SLC20A2: variants seen among roughly 807,000 people sequenced by gnomAD.
The protein encoded by SLC20A2 is solute carrier family 20 member 2.
A neutral mutation model predicts 61.0 loss-of-function variants in SLC20A2; 30 were observed. The ratio of observed to expected loss-of-function variants is 0.49; its 90% confidence interval spans 0.37 to 0.67. The LOEUF is 0.67. Among genes scored for constraint, SLC20A2 ranks in the 30% least tolerant of loss-of-function variants. The pLI, the probability that SLC20A2 is intolerant of heterozygous loss-of-function variation, is 0.00. For missense variants in SLC20A2, 626 were observed against 866.4 expected (o/e 0.72, Z 3.48); for synonymous variants, 351 against 353.3 (o/e 0.99, Z 0.07).
chr8:42,505,579 A>C (rs1442207800), upstream of SLC20A2, among the ~76,000 whole-genome samples: 1 of 152,222 alleles, frequency 6.6e-6, no homozygotes, highest in Non-Finnish European at 1.5e-5. Flanking sequence ...TTTTAAAATG[A>C]CATCTGGAAA....
At chr8:42,519,403 C>G (rs981804526) in intron 1 of SLC20A2, among the ~76,000 whole-genome samples, 4 of 151,166 alleles carry the variant, frequency 2.6e-5, no homozygotes, top group South Asian at 4.2e-4. Context: ...AAGATCGCAC[C>G]ACTGCACTCC....
At position 42,436,444 on chromosome 8, in the gene SLC20A2, C is replaced by A. The variant is rs556474847; in HGVS notation, c.1523+545G>T. 5.9e-5 allele frequency among the ~76,000 whole-genome samples: 9 copies of A among 152,320 alleles called. No individual in the cohort carries two copies. In the South Asian group the frequency reaches 1.2e-3, roughly 21 times the overall value. ...GCAGCTGCCTCTTTCCTTCTTCTCT[C>A]ACATCCGCATCCAGGCCGTCGTCCA... On this transcript the variant is annotated intron_variant, in intron 8 of 10. Coordinates refer to ENST00000520262, the MANE Select transcript of SLC20A2 (RefSeq NM_001257180.2).
intron 10 of SLC20A2, among the ~76,000 whole-genome samples, chr8:42,424,244 G>A (rs1803239367): frequency 6.7e-6 from 1 of 150,096 alleles, no homozygotes. Context: ...AATGATGAAC[G>A]AATTGCTGAA....
intron 10 of SLC20A2, among the ~76,000 whole-genome samples, chr8:42,422,635 C>T (rs946347415): frequency 6.6e-6 from 1 of 152,094 alleles, no homozygotes; most frequent in Admixed American, 6.6e-5. Context: ...CCACCCCTAG[C>T]CCCTTTTTGC....
rs1804373217 is a variant in SLC20A2 at position 42,437,491 on chromosome 8, C to T, written c.1021G>A (p.Gly341Ser). 2 of 1,614,104 alleles carry T rather than the reference C, an allele frequency of 1.2e-6. No homozygotes were observed. The highest frequency in any genetic ancestry group is 1.1e-5 in the South Asian group (1 of 91,072). Reference protein sequence around the residue: ...FGFDGHTRSDGHVYHTVHKDS... With the variant: ...FGFDGHTRSDSHVYHTVHKDS... The stretch of plus-strand genomic sequence containing the variant: ...TTGTGCACGGTGTGGTACACATGAC[C>T]GTCGCTCCTGGTGTGGCCGTCGAAG... Residue 341 changes from glycine to serine, a missense_variant, in exon 8 of 11, where the codon GGT (glycine) becomes AGT (serine). Coordinates refer to ENST00000520262, the MANE Select transcript of SLC20A2 (RefSeq NM_001257180.2). The surrounding 1 kb of genome is among the most constrained non-coding windows in gnomAD (Gnocchi z 6.4).
intron 5 of SLC20A2, among the ~76,000 whole-genome samples, chr8:42,459,168 G>A (rs1392316318): frequency 1.3e-5 from 2 of 148,946 alleles, no homozygotes; most frequent in East Asian, 2.0e-4. Context: ...CCTGGGAGGC[G>A]GAGGTTGCAG....
intron 1 of SLC20A2, among the ~76,000 whole-genome samples, chr8:42,528,989 T>TTA (rs1812163938): frequency 1.1e-4 from 13 of 118,538 alleles, no homozygotes; most frequent in Admixed American, 4.9e-4. Flanking sequence ...TATTATTATT[T>TTA]TTTGAGACAG....
At chr8:42,495,428 T>C (rs1022428987) in intron 1 of SLC20A2, among the ~76,000 whole-genome samples, 4 of 152,200 alleles carry the variant, frequency 2.6e-5, no homozygotes, top group Non-Finnish European at 5.9e-5. Flanking sequence ...ATCAGCTCCC[T>C]GTGCCCTCTG....
intron 1 of SLC20A2, among the ~76,000 whole-genome samples, chr8:42,531,389 C>T (rs1476381896): frequency 6.6e-6 from 1 of 152,158 alleles, no homozygotes; most frequent in Admixed American, 6.5e-5. Context: ...TACAATCAAC[C>T]CCTCTTTGTA....
chr8:42,486,010 T>G (rs1372836594), intron 1 of SLC20A2, among the ~76,000 whole-genome samples: 1 of 152,214 alleles, frequency 6.6e-6, no homozygotes, highest in Non-Finnish European at 1.5e-5. Context: ...AGAGCTTTCT[T>G]ATAAACTGGA....
At chr8:42,531,089 G>A (rs1402226358) in intron 1 of SLC20A2, among the ~76,000 whole-genome samples, 1 of 152,138 alleles carries the variant, frequency 6.6e-6, no homozygotes, top group Non-Finnish European at 1.5e-5. Flanking sequence ...CTGCCACACT[G>A]TACTGCTATC....
intron 9 of SLC20A2, 21 bp downstream of exon 9, chr8:42,430,043 C>T: frequency 2.5e-6 from 4 of 1,591,102 alleles, no homozygotes; most frequent in Non-Finnish European, 3.4e-6. Context: ...CTGCCCTGCT[C>T]GTCCACCAGC....
upstream of SLC20A2, among the ~76,000 whole-genome samples, chr8:42,503,484 T>G (rs1345518203): frequency 6.6e-6 from 1 of 152,168 alleles, no homozygotes; most frequent in Non-Finnish European, 1.5e-5. Context: ...AGCAGTTACA[T>G]GTATAATTTA....
rs1479762777 is a variant in SLC20A2 at position 42,437,923 on chromosome 8, C to A, written c.935-346G>T. Among the ~76,000 whole-genome samples, 1 of 151,526 alleles carries A rather than the reference C, an allele frequency of 6.6e-6. No individual in the cohort carries two copies. The highest frequency in any genetic ancestry group is 1.5e-5 in the Non-Finnish European group (1 of 67,906). On this transcript the variant is annotated intron_variant, in intron 7 of 10. Transcript: ENST00000520262. The surrounding 1 kb of genome is among the most constrained non-coding windows in gnomAD (Gnocchi z 6.4). ...GCCAACGTGCCCAGCCCCAGCCTTT[C>A]GAATATAAGCGAAGGAAACACTCCC...
At position 42,478,356 on chromosome 8, in the gene SLC20A2, C is replaced by A. The variant is rs181757974; in HGVS notation, c.-264-5702G>T. 3.6e-3 allele frequency among the ~76,000 whole-genome samples: 544 copies of A among 151,808 alleles called. 3 individuals carry two copies. Among genetic ancestry groups the A allele is most frequent in the Non-Finnish European group, 5.4e-3 (368 of 67,938 alleles). The stretch of plus-strand genomic sequence containing the variant: ...CCTCCCCAGTAGCCAGGATTACAGG[C>A]ATGCACTTCCTCCTCCGGCTAATTT... On this transcript the variant is annotated intron_variant, in intron 1 of 10. Coordinates refer to ENST00000520262, the MANE Select transcript of SLC20A2 (RefSeq NM_001257180.2).
At chr8:42,471,112 A>C (rs1388088101) in intron 2 of SLC20A2, 2 of 455,386 alleles carry the variant, frequency 4.4e-6, no homozygotes, top group African/African-American at 2.0e-5. Flanking sequence ...TCCTGTTGAA[A>C]GCAGAAGGTG....
chr8:42,526,672 C>A (rs1486924704), intron 1 of SLC20A2, among the ~76,000 whole-genome samples: 1,282 of 132,722 alleles, frequency 9.7e-3, no homozygotes, highest in Non-Finnish European at 9.7e-3. Context: ...GACTCTGTCT[C>A]AAAAAAAAAA....
intron 4 of SLC20A2, among the ~76,000 whole-genome samples, chr8:42,461,122 C>A (rs974539579): frequency 1.3e-5 from 2 of 152,178 alleles, no homozygotes; most frequent in African/African-American, 4.8e-5. Flanking sequence ...CGTGATGCAG[C>A]AAGAGCAGGG....
intron 1 of SLC20A2, among the ~76,000 whole-genome samples, chr8:42,518,055 C>T (rs1216870862): frequency 6.6e-6 from 1 of 152,226 alleles, no homozygotes; most frequent in Non-Finnish European, 1.5e-5. Context: ...ATTCTCCTGC[C>T]TCAGCCTCCA....
Sources: gnomAD v4.1 joint callset for allele counts (sites outside exome capture counted in the v4.1 genomes callset) on GRCh38, gnomAD v4.1.1 for gene constraint, Gnocchi (gnomAD v3.1) non-coding constraint, MANE v1.5 for transcripts, NCBI Gene and HGNC (gene_info 2026-07-23, HGNC 2026-07-21) for gene names.